The following RFX2 variants were observed in gnomAD, a reference collection of about 807,000 sequenced individuals.
RFX2 encodes the protein regulatory factor X2.
Under a neutral mutation model 87.8 loss-of-function variants are expected in RFX2, and 20 were observed. The ratio of observed to expected loss-of-function variants is 0.23; its 90% CI spans 0.16 to 0.33. The LOEUF (loss-of-function observed/expected upper bound fraction) is 0.33, where lower values mean the gene tolerates loss of function less well. RFX2 is among the 10% of genes least tolerant of loss of function. The probability of loss-of-function intolerance (pLI) is 1.00; values close to 1 mark genes in which losing one functional copy is unlikely to be tolerated. For missense variants in RFX2, 767 were observed against 1,012.3 expected, an observed-to-expected ratio of 0.76 and a Z score of 3.29; for synonymous variants, 397 against 431.3, an observed-to-expected ratio of 0.92 and a Z score of 0.98.
Position 6,061,106 on chromosome 19 carries a change from C to T in RFX2, c.-8-13602G>A, listed in dbSNP as rs550381335. 2.0e-5 allele frequency among the ~76,000 whole-genome samples: 3 copies of T among 152,158 alleles called. No homozygotes were observed. The highest frequency in any genetic ancestry group is 7.2e-5 in the African/African-American group (3 of 41,434). On this transcript the variant is annotated intron_variant, in intron 1 of 17. Transcript: ENST00000303657. This position sits in a 1 kb window ranked among gnomAD's most constrained non-coding sequence, Gnocchi z 5.2. ...TCGCTGGTGACTCAGCCTGCTGTCT[C>T]CACCTGATACCATCTCTGCCTCCCC...
At position 6,027,747 on chromosome 19, in the gene RFX2, GA is replaced by G; in HGVS notation, c.523-1511del. 6.6e-6 allele frequency among the ~76,000 whole-genome samples: 1 copy of G among 152,252 alleles called. No homozygotes were observed. The highest frequency in any genetic ancestry group is 2.1e-4 in the South Asian group (1 of 4,822). Reference sequence around the variant, plus strand: ...TTTTGAGATTTCACCACCCACCCCTGAAAAAGAGCTTTATTTACTTATCTTT... The same window carrying G: ...TTTTGAGATTTCACCACCCACCCCTGAAAAGAGCTTTATTTACTTATCTTT... On this transcript the variant is annotated intron_variant, in intron 5 of 17. Transcript: ENST00000303657. This position sits in a 1 kb window ranked among gnomAD's most constrained non-coding sequence, Gnocchi z 5.0.
At position 5,996,074 on chromosome 19, in the gene RFX2, T is replaced by A. The variant is rs570442013; in HGVS notation, c.2014-431A>T. Among the ~76,000 whole-genome samples the A allele has an allele frequency of 7.2e-5, 11 of 152,342 alleles. No individual in the cohort carries two copies. The South Asian group carries it at 2.3e-3, about 32-fold the overall frequency. On this transcript the variant is annotated intron_variant, in intron 16 of 17. Transcript: ENST00000303657. ...GAGAACAGGCGGCTTCCACAGTTTCTGTACACGTTGCGGGGCCCTGGCCAC... is the reference window on the plus strand; with the variant it reads ...GAGAACAGGCGGCTTCCACAGTTTCAGTACACGTTGCGGGGCCCTGGCCAC...
At chr19:6,019,512 A>ATGTGTG (rs147877773) in intron 6 of RFX2, among the ~76,000 whole-genome samples, 4,021 of 126,910 alleles carry the variant, frequency 0.032, 140 homozygotes, top group African/African-American at 0.084. Context: ...GTGTGTGAGT[A>ATGTGTG]TGTGTGTGTG....
chr19:6,076,234 C>T (rs578020008), intron 1 of RFX2, among the ~76,000 whole-genome samples: 1 of 152,154 alleles, frequency 6.6e-6, no homozygotes, highest in Non-Finnish European at 1.5e-5. Context: ...ATCCCAGCTA[C>T]TTGGGAGGCT....
At position 5,997,362 on chromosome 19, in the gene RFX2, G is replaced by T. The variant is rs543716844; in HGVS notation, c.1860-149C>A. On this transcript the variant is annotated intron_variant, in intron 15 of 17. Transcript: ENST00000303657. The surrounding 1 kb of genome is among the most constrained non-coding windows in gnomAD (Gnocchi z 4.2). ...GATCCTAAGACGTGCAGGCCTACGCGGGGGCTGACGGGCTGCCGAGACCCT... is the reference window on the plus strand; with the variant it reads ...GATCCTAAGACGTGCAGGCCTACGCTGGGGCTGACGGGCTGCCGAGACCCT... 4.5e-6 allele frequency: 4 copies of T among 888,186 alleles called. No individual in the cohort carries two copies. Among genetic ancestry groups the T allele is most frequent in the Middle Eastern group, 7.2e-4 (2 of 2,792 alleles). 55.0% of individuals were successfully genotyped at this position (888,186 alleles called of 1,614,324 possible).
In RFX2 at chr19:6,059,676, G is replaced by A. The variant is rs143328654; in HGVS notation, c.-8-12172C>T. Among the ~76,000 whole-genome samples, 161 of 152,084 alleles carry A rather than the reference G, an allele frequency of 1.1e-3. No individual in the cohort carries two copies. The Middle Eastern group carries it at 0.02, about 19-fold the overall frequency. ...ATGAGAGTGTCACACACACACAGACGCATGTATACACTCCCCACGTATGCA... is the reference window on the plus strand; with the variant it reads ...ATGAGAGTGTCACACACACACAGACACATGTATACACTCCCCACGTATGCA... On this transcript the variant is annotated intron_variant, in intron 1 of 17. Transcript: ENST00000303657.
intron 1 of RFX2, chr19:6,073,566 C>A: frequency 1.8e-4 from 71 of 396,958 alleles, no homozygotes; most frequent in South Asian, 7.6e-4. Context: ...TTAAATAAAA[C>A]CATAAAAACT....
intron 1 of RFX2, among the ~76,000 whole-genome samples, chr19:6,080,842 C>T (rs1315888952): frequency 6.6e-6 from 1 of 151,960 alleles, no homozygotes. Context: ...TTGAGACCAG[C>T]CTGGCCAACC....
chr19:6,042,225 A>G, intron 3 of RFX2, 102 bp from the exon 4 acceptor site: 3 of 1,009,126 alleles, frequency 3.0e-6, no homozygotes, highest in Admixed American at 3.6e-5. Context: ...ATGAACATTT[A>G]GTACCAAATG....
At position 6,013,183 on chromosome 19, in the gene RFX2, T is replaced by G; in HGVS notation, c.780-78A>C. The G allele has an allele frequency of 1.4e-6, 2 of 1,394,734 alleles. No homozygotes were observed. Among genetic ancestry groups the G allele is most frequent in the East Asian group, 2.7e-5 (1 of 37,304 alleles). 86.4% of individuals were successfully genotyped at this position (1,394,734 alleles called of 1,614,324 possible). A position where few individuals can be genotyped will look rare whatever the true frequency, so the allele number is the denominator to read the frequency against. On this transcript the variant is annotated intron_variant, in intron 7 of 17. Coordinates refer to ENST00000303657, the MANE Select transcript of RFX2 (RefSeq NM_000635.4). This position sits in a 1 kb window ranked among gnomAD's most constrained non-coding sequence, Gnocchi z 4.1. ...AAGACAGGTTGGGATTCTTTTTCTT[T>G]CTTTCTTCTTTTTTTTTTTTGAGAC...
chr19:6,105,643 T>C (rs1023902549), intron 1 of RFX2, among the ~76,000 whole-genome samples: 1 of 151,702 alleles, frequency 6.6e-6, no homozygotes, highest in African/African-American at 2.4e-5. Flanking sequence ...CGAGCACCAG[T>C]GGTGGAATCA....
chr19:6,021,964 G>T lies in RFX2; in HGVS notation c.597+4199C>A, dbSNP rs528734903. Among the ~76,000 whole-genome samples, 1 of 152,100 alleles carries T rather than the reference G, an allele frequency of 6.6e-6. No individual in the cohort carries two copies. Among genetic ancestry groups the T allele is most frequent in the African/African-American group, 2.4e-5 (1 of 41,430 alleles). Reference sequence around the variant, plus strand: ...GGGAAGTAGTCGAAGTGGAGGAGGTGGGGGGTGCCACCTGGTTCTGGATCT... The same window carrying T: ...GGGAAGTAGTCGAAGTGGAGGAGGTTGGGGGTGCCACCTGGTTCTGGATCT... On this transcript the variant is annotated intron_variant, in intron 6 of 17. Transcript: ENST00000303657. The surrounding 1 kb of genome is among the most constrained non-coding windows in gnomAD (Gnocchi z 5.7).
chr19:6,006,888 G>A (rs564187599), intron 12 of RFX2, 124 bp downstream of exon 12: 6 of 1,129,280 alleles, frequency 5.3e-6, no homozygotes, highest in African/African-American at 4.6e-5. Context: ...CACCGCGCCC[G>A]GCCACTTTTG....
chr19:5,994,895 C>A lies in RFX2; in HGVS notation c.2112G>T (p.Leu704=). Residue 704 remains leucine (L), a synonymous_variant, in exon 18 of 18, where the codon CTG becomes CTT. Transcript: ENST00000303657. ...GCTCCCGCTTTACCAGGGGCTCACC[C>A]AGGCTGCGGGCGTCTGGGCCCGCCT... ...GSEAGPDARS[L]GEPLVKRERS... The A allele has an allele frequency of 6.2e-7, 1 of 1,610,446 alleles. No individual in the cohort carries two copies.
chr19:6,097,400 C>T (rs2088045291), intron 1 of RFX2, among the ~76,000 whole-genome samples: 1 of 152,034 alleles, frequency 6.6e-6, no homozygotes, highest in Non-Finnish European at 1.5e-5. Context: ...TGGAGTTTAG[C>T]GGCAGGAAAG....
At chr19:6,057,157 C>T (rs1265796981) in intron 1 of RFX2, 1 of 152,192 alleles carries the variant, frequency 6.6e-6, no homozygotes, top group Non-Finnish European at 1.5e-5. Context: ...GAACCAGATG[C>T]GCACTTGACC....
rs1257235989 is a variant in RFX2, at chr19:6,012,370, A to T, written c.899+616T>A. 6.6e-6 allele frequency: 1 copy of T among 152,322 alleles called. No homozygotes were observed. The highest frequency in any genetic ancestry group is 2.4e-5 in the African/African-American group (1 of 41,440). The allele number at this position is 152,322 out of a possible 1,614,324, so 9.4% of individuals were successfully genotyped here. ...CTATATGACACTGGGGAACGGGGAA[A>T]CTGTGGGGATGGCAGAAGGATTAGA... is the stretch of plus-strand genomic sequence containing the variant. On this transcript the variant is annotated intron_variant, in intron 8 of 17. Coordinates refer to ENST00000303657, the MANE Select transcript of RFX2 (RefSeq NM_000635.4). The surrounding 1 kb of genome is among the most constrained non-coding windows in gnomAD (Gnocchi z 4.6).
At chr19:5,996,957 A>G (rs2086420967) in intron 16 of RFX2, 103 bp downstream of exon 16, 1 of 1,228,946 alleles carries the variant, frequency 8.1e-7, no homozygotes, top group Non-Finnish European at 1.1e-6. Context: ...GCGGCAGAGC[A>G]GTGGGACCTG....
In RFX2 at chr19:6,026,255, A is replaced by G. The variant is rs201809725; in HGVS notation, c.523-18T>C. 1.4e-4 allele frequency: 218 copies of G among 1,604,724 alleles called. 1 individual carries two copies. Among genetic ancestry groups the G allele is most frequent in the Admixed American group, 8.3e-4 (49 of 59,366 alleles). ...ATTTCAAGCTAAAGAAAATGTGTGC[A>G]GAAACAAAACAAAACAAAATGGAAA... On this transcript the variant is annotated intron_variant, in intron 5 of 17. Coordinates refer to ENST00000303657, the MANE Select transcript of RFX2 (RefSeq NM_000635.4). The surrounding 1 kb of genome is among the most constrained non-coding windows in gnomAD (Gnocchi z 4.5).
Sources: gnomAD v4.1 joint callset for allele counts (sites outside exome capture counted in the v4.1 genomes callset) on GRCh38, gnomAD v4.1.1 for gene constraint, Gnocchi (gnomAD v3.1) non-coding constraint, MANE v1.5 for transcripts, NCBI Gene and HGNC (gene_info 2026-07-23, HGNC 2026-07-21) for gene names.